PPFIA2: variants seen among roughly 807,000 people sequenced by gnomAD.
PPFIA2 encodes the protein PPFI scaffold protein A2.
A neutral mutation model predicts 175.5 loss-of-function variants in PPFIA2; 46 were observed. That is an observed-to-expected ratio of 0.26 (90% CI 0.21 to 0.34). The LOEUF (loss-of-function observed/expected upper bound fraction) is 0.34. Among genes scored for constraint, PPFIA2 ranks in the 10% least tolerant of loss-of-function variants. The pLI is 1.00. For missense variants in PPFIA2, 1,179 were observed against 1,506.1 expected (o/e 0.78, Z 3.60); for synonymous variants, 568 against 511.4 (o/e 1.11, Z -1.49).
At chr12:81,356,164 T>C (rs1240376634) in intron 16 of PPFIA2, among the ~76,000 whole-genome samples, 1 of 152,176 alleles carries the variant, frequency 6.6e-6, no homozygotes, top group Non-Finnish European at 1.5e-5. Flanking sequence ...AATATTGTTG[T>C]GTCTTGGGGA....
At chr12:81,398,565 T>C (rs1363082496) in intron 8 of PPFIA2, among the ~76,000 whole-genome samples, 3 of 152,098 alleles carry the variant, frequency 2.0e-5, no homozygotes, top group Non-Finnish European at 4.4e-5. Context: ...ATCCTTGCTC[T>C]GCAAACCTCA....
At position 81,568,605 on chromosome 12, in the gene PPFIA2, C is replaced by G. The variant is rs565226507; in HGVS notation, c.303+108186G>C. On this transcript the variant is annotated intron_variant, in intron 4 of 32. Coordinates refer to ENST00000549396, the MANE Select transcript of PPFIA2 (RefSeq NM_003625.5). ...GCGTGTCCTCTCAGGGAGATTTGATCTGAGAACTCATAAGTCTTTCCATCC... is the reference window on the plus strand; with the variant it reads ...GCGTGTCCTCTCAGGGAGATTTGATGTGAGAACTCATAAGTCTTTCCATCC... Among the ~76,000 whole-genome samples, 36 of 152,310 alleles carry G rather than the reference C, an allele frequency of 2.4e-4. No homozygotes were observed. The South Asian group carries it at 6.2e-3, about 26-fold the overall frequency.
intron 4 of PPFIA2, among the ~76,000 whole-genome samples, chr12:81,591,651 G>A (rs2058685531): frequency 1.3e-5 from 2 of 152,122 alleles, no homozygotes; most frequent in South Asian, 4.1e-4. Context: ...GTTCAGCTCA[G>A]GTTGTTGCTT....
Position 81,353,280 on chromosome 12 carries a change from G to T in PPFIA2, c.1833C>A (p.Ser611Arg). The T allele has an allele frequency of 6.2e-7, 1 of 1,613,720 alleles. No individual in the cohort carries two copies. The highest frequency in any genetic ancestry group is 8.5e-7 in the Non-Finnish European group (1 of 1,179,778). ...TTTCAGTGTCACTTTCAAAAGGGTG[G>T]CTGCTTAGTACTCCAATCTGTTGAG... ...NRTQQIGVLSSHPFESDTEMS... is the reference protein window; with the variant it reads ...NRTQQIGVLSRHPFESDTEMS... The change falls in exon 17 of 33, where the codon AGC (serine) becomes AGA (arginine). Residue 611 changes from serine (S) to arginine (R), a missense_variant. Transcript: ENST00000549396.
At chr12:81,371,894 TACACACACACACACAAAC>T (rs1192576833) in intron 11 of PPFIA2, among the ~76,000 whole-genome samples, 74 of 147,080 alleles carry the variant, frequency 5.0e-4, no homozygotes, top group East Asian at 1.7e-3. Context: ...GCTTTGCCTA[TACACACACACACACAAAC>T]ACACACACAC....
chr12:81,621,979 C>T (rs776040324), intron 4 of PPFIA2, among the ~76,000 whole-genome samples: 13 of 152,088 alleles, frequency 8.5e-5, no homozygotes, highest in Non-Finnish European at 1.6e-4. Flanking sequence ...AATAGCTGAG[C>T]CCTGTAACAT....
chr12:81,371,667 T>C (rs1466630508), intron 11 of PPFIA2, among the ~76,000 whole-genome samples: 1 of 151,832 alleles, frequency 6.6e-6, no homozygotes, highest in East Asian at 1.9e-4. Flanking sequence ...TACATTTTAT[T>C]GGTACTAGAA....
intron 3 of PPFIA2, among the ~76,000 whole-genome samples, chr12:81,740,890 A>G (rs1019910728): frequency 5.9e-5 from 9 of 152,212 alleles, no homozygotes; most frequent in African/African-American, 1.9e-4. Context: ...TAATCAAAAT[A>G]TTCTACTTTT....
intron 4 of PPFIA2, among the ~76,000 whole-genome samples, chr12:81,500,230 G>C (rs141784624): frequency 6.6e-6 from 1 of 152,122 alleles, no homozygotes; most frequent in African/African-American, 2.4e-5. Context: ...GCAGGTATTA[G>C]AGTTAGAATT....
chr12:81,716,169 A>G (rs1041251559), intron 3 of PPFIA2, among the ~76,000 whole-genome samples: 2 of 151,718 alleles, frequency 1.3e-5, no homozygotes, highest in African/African-American at 2.4e-5. Context: ...AACAATTTTT[A>G]TAAGTATTAA....
intron 4 of PPFIA2, among the ~76,000 whole-genome samples, chr12:81,510,238 T>C (rs2061626084): frequency 1.3e-5 from 2 of 152,156 alleles, no homozygotes; most frequent in South Asian, 4.1e-4. Context: ...CATACAAATG[T>C]GTGTGTTTCT....
intron 15 of PPFIA2, among the ~76,000 whole-genome samples, chr12:81,359,467 C>T (rs1452992657): frequency 6.6e-6 from 1 of 151,628 alleles, no homozygotes; most frequent in Non-Finnish European, 1.5e-5. Context: ...AACAACTAGG[C>T]CATATTCATA....
intron 4 of PPFIA2, among the ~76,000 whole-genome samples, chr12:81,601,935 C>A (rs2153456657): frequency 6.6e-6 from 1 of 151,944 alleles, no homozygotes; most frequent in East Asian, 1.9e-4. Flanking sequence ...CTCAAGAGCT[C>A]TTAAAAATTG....
In PPFIA2 at chr12:81,548,117, C is replaced by T. The variant is rs73360684; in HGVS notation, c.304-90251G>A. On this transcript the variant is annotated intron_variant, in intron 4 of 32. Transcript: ENST00000549396. Reference sequence around the variant, plus strand: ...TTCCAAGCCAAAACTTAGAAAAGATCAGTAATTTTTCCAAAGTCTATATAA... The same window carrying T: ...TTCCAAGCCAAAACTTAGAAAAGATTAGTAATTTTTCCAAAGTCTATATAA... Among the ~76,000 whole-genome samples, 1,321 of 152,198 alleles carry T rather than the reference C, an allele frequency of 8.7e-3. 14 individuals carry two copies. The highest frequency in any genetic ancestry group is 0.03 in the African/African-American group (1,254 of 41,544).
intron 4 of PPFIA2, among the ~76,000 whole-genome samples, chr12:81,485,761 CATTATTG>C (rs1428904637): frequency 6.6e-6 from 1 of 151,666 alleles, no homozygotes; most frequent in Non-Finnish European, 1.5e-5. Context: ...AAATTTTTGC[CATTATTG>C]ATTGCAAAAT....
At chr12:81,644,268 C>G (rs986878562) in intron 4 of PPFIA2, among the ~76,000 whole-genome samples, 3 of 151,924 alleles carry the variant, frequency 2.0e-5, no homozygotes, top group Non-Finnish European at 4.4e-5. Flanking sequence ...TCCATCAAGA[C>G]TCACTCAGGC....
chr12:81,677,929 A>G (rs529135987), intron 3 of PPFIA2, among the ~76,000 whole-genome samples: 1 of 152,004 alleles, frequency 6.6e-6, no homozygotes, highest in East Asian at 1.9e-4. Context: ...ACTTATTCAA[A>G]AGAAGTTGCA....
intron 4 of PPFIA2, among the ~76,000 whole-genome samples, chr12:81,493,566 G>C (rs2059644222): frequency 6.6e-6 from 1 of 151,752 alleles, no homozygotes; most frequent in African/African-American, 2.4e-5. Flanking sequence ...TGTTAATATT[G>C]TCAGGTTCAC....
rs759700851 is a variant in PPFIA2 at position 81,405,770 on chromosome 12, T to G, written c.762+17A>C. On this transcript the variant is annotated intron_variant, in intron 8 of 32. Coordinates refer to ENST00000549396, the MANE Select transcript of PPFIA2 (RefSeq NM_003625.5). ...AAGTAAACATTTCCATGTAAGAGCA[T>G]GTGGGGTGTGTCATACCTTCTCATG... 2.3e-6 allele frequency: 3 copies of G among 1,328,254 alleles called. No individual in the cohort carries two copies. The African/African-American group carries it at 4.4e-5, about 20-fold the overall frequency. 82.3% of individuals were successfully genotyped at this position (1,328,254 alleles called of 1,614,324 possible).
Sources: allele counts gnomAD v4.1 joint callset (sites outside exome capture counted in the v4.1 genomes callset), GRCh38; gene constraint gnomAD v4.1.1; transcripts MANE v1.5; gene names NCBI Gene and HGNC (gene_info 2026-07-23, HGNC 2026-07-21).